SORCS1: variants seen among roughly 807,000 people sequenced by gnomAD.
SORCS1 encodes the protein sortilin related VPS10 domain containing receptor 1, also known as VPS10 domain-containing receptor SorCS1.
SORCS1 carries 60 observed loss-of-function variants against 146.1 expected under a neutral mutation model. That is an observed-to-expected ratio of 0.41 (90% CI 0.33 to 0.51). SORCS1 has a LOEUF of 0.51. SORCS1 is among the 20% of genes least tolerant of loss of function. The probability of loss-of-function intolerance (pLI) is 0.21; values close to 1 mark genes in which losing one functional copy is unlikely to be tolerated. For missense variants in SORCS1, 1,352 were observed against 1,487.6 expected (o/e 0.91, Z 1.50); for synonymous variants, 637 against 584.0 (o/e 1.09, Z -1.31).
chr10:107,025,611 G>C (rs77501271), intron 1 of SORCS1, among the ~76,000 whole-genome samples: 1 of 152,200 alleles, frequency 6.6e-6, no homozygotes, highest in African/African-American at 2.4e-5. Context: ...ACTGATGACA[G>C]GGTAAAACAA....
chr10:106,808,515 TTATG>T (rs1289546030), intron 3 of SORCS1, among the ~76,000 whole-genome samples: 22 of 152,160 alleles, frequency 1.4e-4, no homozygotes, highest in African/African-American at 5.1e-4. Context: ...ATTTATTTAT[TTATG>T]TGAGGCGGAG....
intron 1 of SORCS1, among the ~76,000 whole-genome samples, chr10:107,025,806 C>T (rs1278932582): frequency 7.9e-5 from 12 of 152,206 alleles, no homozygotes; most frequent in Admixed American, 7.9e-4. Context: ...GGGATAAAAA[C>T]AGCACTTCAG....
chr10:107,032,375 TGTCCATG>T (rs1230084970), intron 1 of SORCS1, among the ~76,000 whole-genome samples: 2 of 152,200 alleles, frequency 1.3e-5, no homozygotes, highest in African/African-American at 4.8e-5. Context: ...CAGTGTTCAT[TGTCCATG>T]TTTTTCCTTG....
At chr10:106,758,645 G>T (rs1858844735) in intron 5 of SORCS1, among the ~76,000 whole-genome samples, 1 of 152,140 alleles carries the variant, frequency 6.6e-6, no homozygotes, top group African/African-American at 2.4e-5. Flanking sequence ...GAAAGAAAAA[G>T]ACATGAACCC....
At chr10:107,066,914 A>C (rs1961925687) in intron 1 of SORCS1, among the ~76,000 whole-genome samples, 1 of 152,182 alleles carries the variant, frequency 6.6e-6, no homozygotes, top group Non-Finnish European at 1.5e-5. Flanking sequence ...AGCCAACCCT[A>C]ATACTAGAGG....
intron 1 of SORCS1, among the ~76,000 whole-genome samples, chr10:107,088,468 GTCTGATGTCTGTGACTGGTTTTCCTAT>G (rs1963935550): frequency 6.6e-6 from 1 of 152,202 alleles, no homozygotes; most frequent in Non-Finnish European, 1.5e-5. Context: ...GGCACTCTCT[GTCTGATGTCTGTGACTGGTTTTCCTAT>G]TCTAGAGTAT....
At chr10:106,822,004 G>T (rs1204501132) in intron 3 of SORCS1, among the ~76,000 whole-genome samples, 1 of 152,040 alleles carries the variant, frequency 6.6e-6, no homozygotes, top group East Asian at 1.9e-4. Flanking sequence ...CAAATTAGCA[G>T]ATATGGGGGA....
chr10:106,679,300 T>C lies in SORCS1; in HGVS notation c.1696A>G (p.Ile566Val). ...GCATCTGAAGAGACAAACATGCTGA[T>C]GTCAGTGTCTGACAATTCAGAACCT... is the stretch of plus-strand genomic sequence containing the variant. ...NIGSELSDTD[I>V]SMFVSSDAGN... The change falls in exon 12 of 26, where the codon ATC becomes GTC. Residue 566 changes from isoleucine to valine, a missense_variant. Physicochemically the swap from Ile to Val is conservative, Grantham distance 29 (BLOSUM62 3). This residue lies in a region of SORCS1 where 648 missense variants were observed against 793.8 expected (regional missense o/e 0.82). Coordinates refer to ENST00000263054, the MANE Select transcript of SORCS1 (RefSeq NM_052918.5). 1 of 1,613,458 alleles carries C rather than the reference T, an allele frequency of 6.2e-7. No individual in the cohort carries two copies. The highest frequency in any genetic ancestry group is 8.5e-7 in the Non-Finnish European group (1 of 1,179,574).
intron 2 of SORCS1, among the ~76,000 whole-genome samples, chr10:106,838,535 G>C (rs1386042545): frequency 1.3e-5 from 2 of 152,062 alleles, no homozygotes; most frequent in Non-Finnish European, 2.9e-5. Context: ...TCCACCACTT[G>C]ACATCATAGA....
At position 107,103,524 on chromosome 10, in the gene SORCS1, G is replaced by C. The variant is rs927481268; in HGVS notation, c.558+60445C>G. Among the ~76,000 whole-genome samples the C allele has an allele frequency of 7.2e-4, 110 of 152,264 alleles. 1 individual carries two copies. The highest frequency in any genetic ancestry group is 2.6e-3 in the African/African-American group (106 of 41,548). ...CTCTTTGTCCAAAAATACTGATTTT[G>C]ATCTTCCTACTTTTAAATACTGTAG... On this transcript the variant is annotated intron_variant, in intron 1 of 25. Coordinates refer to ENST00000263054, the MANE Select transcript of SORCS1 (RefSeq NM_052918.5).
At chr10:106,949,560 T>A (rs1954565717) in intron 2 of SORCS1, among the ~76,000 whole-genome samples, 1 of 152,206 alleles carries the variant, frequency 6.6e-6, no homozygotes, top group Non-Finnish European at 1.5e-5. Context: ...CTTCTCTTGA[T>A]AATCATGATG....
At chr10:106,894,908 G>T (rs1951406513) in intron 2 of SORCS1, among the ~76,000 whole-genome samples, 1 of 152,196 alleles carries the variant, frequency 6.6e-6, no homozygotes, top group African/African-American at 2.4e-5. Flanking sequence ...TGGGGATAAT[G>T]AGAGTAAACA....
intron 2 of SORCS1, among the ~76,000 whole-genome samples, chr10:106,844,214 C>G (rs1949203081): frequency 6.6e-6 from 1 of 152,032 alleles, no homozygotes; most frequent in East Asian, 1.9e-4. Context: ...GTGTTCTTTG[C>G]CCATTTTTAA....
At chr10:106,821,815 G>A (rs1438705226) in intron 3 of SORCS1, among the ~76,000 whole-genome samples, 9 of 152,052 alleles carry the variant, frequency 5.9e-5, no homozygotes, top group African/African-American at 1.7e-4. Flanking sequence ...CCAGCTACTC[G>A]GGAGTCTCAG....
intron 18 of SORCS1, among the ~76,000 whole-genome samples, chr10:106,651,486 C>T (rs565981862): frequency 6.6e-6 from 1 of 152,272 alleles, no homozygotes; most frequent in East Asian, 1.9e-4. Flanking sequence ...AAATGCTCTC[C>T]AGGTGATTTT....
chr10:106,742,671 C>T (rs751006721), intron 5 of SORCS1, among the ~76,000 whole-genome samples: 4 of 152,290 alleles, frequency 2.6e-5, no homozygotes, highest in South Asian at 2.1e-4. Flanking sequence ...TGAGTCACCA[C>T]GCCTGGCCAA....
At chr10:107,005,946 C>T (rs998158672) in intron 1 of SORCS1, among the ~76,000 whole-genome samples, 1 of 152,046 alleles carries the variant, frequency 6.6e-6, no homozygotes, top group Non-Finnish European at 1.5e-5. Flanking sequence ...TATCAATTGC[C>T]CATTCTTGAT....
chr10:106,772,652 A>C (rs147221847), intron 4 of SORCS1, among the ~76,000 whole-genome samples: 409 of 152,312 alleles, frequency 2.7e-3, no homozygotes, highest in Non-Finnish European at 4.5e-3. Flanking sequence ...ACATTTGGCC[A>C]TACACATTCT....
At chr10:106,810,745 C>A (rs141427779) in intron 3 of SORCS1, among the ~76,000 whole-genome samples, 2 of 152,298 alleles carry the variant, frequency 1.3e-5, no homozygotes, top group Non-Finnish European at 2.9e-5. Context: ...GTGCTACCTG[C>A]TCACTGTGCT....
Sources: allele counts gnomAD v4.1 joint callset (sites outside exome capture counted in the v4.1 genomes callset), GRCh38; gene constraint gnomAD v4.1.1; regional missense constraint gnomAD v4.1.1; transcripts MANE v1.5; gene names NCBI Gene and HGNC (gene_info 2026-07-23, HGNC 2026-07-21).